Variants in CAPRIN1 observed in about 807,000 individuals in gnomAD.
CAPRIN1 encodes caprin-1.
CAPRIN1 carries 29 observed loss-of-function variants against 100.9 expected under a neutral mutation model. The observed-to-expected ratio is 0.29, with a 90% CI of 0.21 to 0.39. The LOEUF is 0.39. Ranked by LOEUF, CAPRIN1 falls within the 10% of genes least tolerant of loss-of-function variation. The pLI is 1.00. For missense variants in CAPRIN1, 795 were observed against 876.7 expected (o/e 0.91, Z 1.18); for synonymous variants, 338 against 307.5 (o/e 1.10, Z -1.04).
chr11:34,099,241 C>A, intron 18 of CAPRIN1, 62 bp from the exon 19 acceptor site: 2 of 1,591,780 alleles, frequency 1.3e-6, no homozygotes, highest in Non-Finnish European at 1.7e-6. Context: ...AGATGAAAAT[C>A]TGCTTGAAGG....
chr11:34,066,798 G>C (rs1474209752), intron 2 of CAPRIN1, among the ~76,000 whole-genome samples: 1 of 140,258 alleles, frequency 7.1e-6, no homozygotes, highest in Non-Finnish European at 1.5e-5. Flanking sequence ...GCTAATTTTT[G>C]TATTTTTTTT....
At chr11:34,091,342 AG>A (rs1477925131) in intron 14 of CAPRIN1, among the ~76,000 whole-genome samples, 1 of 152,194 alleles carries the variant, frequency 6.6e-6, no homozygotes, top group Admixed American at 6.5e-5. Context: ...GCTGGAGTGT[AG>A]TGGCGTGATC....
intron 2 of CAPRIN1, among the ~76,000 whole-genome samples, chr11:34,064,081 T>G (rs1407317412): frequency 6.6e-6 from 1 of 152,218 alleles, no homozygotes; most frequent in Non-Finnish European, 1.5e-5. Context: ...AGATACATTT[T>G]TATGCTAGGA....
intron 2 of CAPRIN1, among the ~76,000 whole-genome samples, chr11:34,061,435 T>G (rs906386307): frequency 7.2e-5 from 11 of 151,928 alleles, no homozygotes; most frequent in African/African-American, 2.7e-4. Context: ...CTCAAACTCC[T>G]GACCTCAGGA....
rs150154985 is a variant in CAPRIN1, at chr11:34,082,855, A to C, written c.857A>C (p.Gln286Pro). ...GAGCCAGCAGAAGAGTACACTGAGC[A>C]AAGTGAAGTTGAATCAACAGAGGTA... ...EPEPAEEYTE[Q>P]SEVESTEYVN... The change falls in exon 8 of 19, where the codon CAA (glutamine) becomes CCA (proline). Residue 286 changes from glutamine to proline, a missense_variant. Around this residue, in one of 3 missense-constraint regions of CAPRIN1, gnomAD observed 648 missense variants for 697.9 expected, o/e 0.93. Transcript: ENST00000341394. 6.1e-5 allele frequency: 99 copies of C among 1,613,922 alleles called. No individual in the cohort carries two copies. The highest frequency in any genetic ancestry group is 6.4e-5 in the Non-Finnish European group (75 of 1,179,998).
intron 2 of CAPRIN1, among the ~76,000 whole-genome samples, chr11:34,055,975 G>T (rs1850442144): frequency 1.3e-5 from 2 of 152,200 alleles, no homozygotes; most frequent in South Asian, 4.1e-4. Context: ...CTGGTTTTTA[G>T]TTTAAATCCT....
chr11:34,071,718 T>C lies in CAPRIN1; in HGVS notation c.217-8T>C. 6.2e-7 allele frequency: 1 copy of C among 1,603,934 alleles called. No homozygotes were observed. On this transcript the variant is annotated splice_polypyrimidine_tract_variant and splice_region_variant and intron_variant, in intron 2 of 18. Coordinates refer to ENST00000341394, the MANE Select transcript of CAPRIN1 (RefSeq NM_005898.5). ...CGGAATGTAATTCTTTTTTTTCTTT[T>C]AACATAGGGTAAGCTTGATGATTAC...
Position 34,097,680 on chromosome 11 carries a change from A to G in CAPRIN1, c.2002-18A>G. Reference sequence around the variant, plus strand: ...TTTTAAAAAGTACCTTTTCAATACTAACTAGCTTGTCTTTTAGGATGGATA... The same window carrying G: ...TTTTAAAAAGTACCTTTTCAATACTGACTAGCTTGTCTTTTAGGATGGATA... On this transcript the variant is annotated intron_variant, in intron 17 of 18. Coordinates refer to ENST00000341394, the MANE Select transcript of CAPRIN1 (RefSeq NM_005898.5). The G allele has an allele frequency of 6.2e-7, 1 of 1,613,970 alleles. No homozygotes were observed. The highest frequency in any genetic ancestry group is 8.5e-7 in the Non-Finnish European group (1 of 1,179,844).
rs1850974167 is a variant in CAPRIN1 at position 34,079,707 on chromosome 11, G to A, written c.768G>A (p.Leu256=). The A allele has an allele frequency of 2.5e-6, 4 of 1,614,124 alleles. No individual in the cohort carries two copies. The highest frequency in any genetic ancestry group is 2.5e-6 in the Non-Finnish European group (3 of 1,179,996). The change falls in exon 7 of 19, where the codon CTG becomes CTA. Residue 256 remains leucine, a synonymous_variant. Coordinates refer to ENST00000341394, the MANE Select transcript of CAPRIN1 (RefSeq NM_005898.5). ...GCACCCACAACCACCAGAATGGGCT[G>A]TGTGAGGAAGAAGAGGCAGCCTCAG... ...FDSTHNHQNG[L]CEEEEAASAP...
intron 11 of CAPRIN1, among the ~76,000 whole-genome samples, 158 bp from the exon 12 acceptor site, chr11:34,089,237 C>T (rs1355814219): frequency 9.9e-6 from 1 of 101,354 alleles, no homozygotes. Flanking sequence ...TCACTGTACT[C>T]CAGCCTGGGT....
At chr11:34,076,688 AAAAACT>A (rs776606326) in intron 6 of CAPRIN1, 46 bp downstream of exon 6, 18 of 1,316,912 alleles carry the variant, frequency 1.4e-5, no homozygotes, top group Non-Finnish European at 1.7e-5. Context: ...AGGAATCTTT[AAAAACT>A]AATTTTCTTA....
chr11:34,099,294 G>C lies in CAPRIN1; in HGVS notation c.2066-9G>C. ...GAAAGAAAAATCAAATGCCATTTTT[G>C]TCTTCTAGGTCGTGGAGGGCCCCCA... On this transcript the variant is annotated splice_polypyrimidine_tract_variant and intron_variant, in intron 18 of 18. Coordinates refer to ENST00000341394, the MANE Select transcript of CAPRIN1 (RefSeq NM_005898.5). The C allele has an allele frequency of 6.2e-7, 1 of 1,613,174 alleles. No individual in the cohort carries two copies. Among genetic ancestry groups the C allele is most frequent in the Non-Finnish European group, 8.5e-7 (1 of 1,179,404 alleles).
intron 2 of CAPRIN1, chr11:34,053,296 G>T (rs1850372654): frequency 1.0e-5 from 3 of 287,628 alleles, no homozygotes; most frequent in South Asian, 2.6e-4. Flanking sequence ...TTGTTTAGGT[G>T]TCCCCCCGAG....
intron 4 of CAPRIN1, among the ~76,000 whole-genome samples, chr11:34,074,781 A>G (rs1045712376): frequency 6.6e-6 from 1 of 152,220 alleles, no homozygotes; most frequent in African/African-American, 2.4e-5. Context: ...AGGCTGAGGC[A>G]GCAGAATTAC....
rs567297790 is a variant in CAPRIN1, at chr11:34,097,078, T to G, written c.1901-118T>G. ...TTGGATCAAGATAGGAAATTGGAGATTAATTTGATTAACTAGCCTGGCTTA... is the reference window on the plus strand; with the variant it reads ...TTGGATCAAGATAGGAAATTGGAGAGTAATTTGATTAACTAGCCTGGCTTA... On this transcript the variant is annotated intron_variant, in intron 16 of 18. Coordinates refer to ENST00000341394, the MANE Select transcript of CAPRIN1 (RefSeq NM_005898.5). 103 of 700,956 alleles carry G rather than the reference T, an allele frequency of 1.5e-4. No individual in the cohort carries two copies. In the African/African-American group the frequency reaches 1.6e-3, roughly 11 times the overall value. The allele number at this position is 700,956 out of a possible 1,614,324, so 43.4% of individuals were successfully genotyped here. A position where few individuals can be genotyped will look rare whatever the true frequency, so the allele number is the denominator to read the frequency against.
intron 2 of CAPRIN1, chr11:34,056,694 C>G (rs189283538): frequency 3.3e-5 from 5 of 152,196 alleles, no homozygotes; most frequent in African/African-American, 1.2e-4. Flanking sequence ...AGAGAGACCT[C>G]ATTTGATATT....
chr11:34,098,541 T>C (rs1851405034), intron 18 of CAPRIN1: 1 of 985,280 alleles, frequency 1.0e-6, no homozygotes. Context: ...CCATAACATG[T>C]ATAAAATGTG....
At position 34,088,144 on chromosome 11, in the gene CAPRIN1, A is replaced by G. The variant is rs57975123; in HGVS notation, c.1232-1251A>G. The stretch of plus-strand genomic sequence containing the variant: ...CAGCCTCCCCAGTAGCTGAAAGTAC[A>G]GGCACACACCACACTACACCCAGCT... On this transcript the variant is annotated intron_variant, in intron 11 of 18. Transcript: ENST00000341394. Among the ~76,000 whole-genome samples, 418 of 152,160 alleles carry G rather than the reference A, an allele frequency of 2.7e-3. 3 individuals are homozygous for G. The highest frequency in any genetic ancestry group is 9.4e-3 in the African/African-American group (390 of 41,506).
chr11:34,082,848 A>G lies in CAPRIN1; in HGVS notation c.850A>G (p.Thr284Ala). Residue 284 changes from threonine (T) to alanine (A), a missense_variant, in exon 8 of 19, where the codon ACT becomes GCT. By Grantham distance (58) the Thr-to-Ala change is moderately conservative. Around this residue, in one of 3 missense-constraint regions of CAPRIN1, gnomAD observed 648 missense variants for 697.9 expected, o/e 0.93. Coordinates refer to ENST00000341394, the MANE Select transcript of CAPRIN1 (RefSeq NM_005898.5). ...EAEPEPAEEY[T>A]EQSEVESTEY... Reference sequence around the variant, plus strand: ...AGAACCTGAGCCAGCAGAAGAGTACACTGAGCAAAGTGAAGTTGAATCAAC... The same window carrying G: ...AGAACCTGAGCCAGCAGAAGAGTACGCTGAGCAAAGTGAAGTTGAATCAAC... 1 of 1,613,964 alleles carries G rather than the reference A, an allele frequency of 6.2e-7. No individual in the cohort carries two copies. The highest frequency in any genetic ancestry group is 8.5e-7 in the Non-Finnish European group (1 of 1,179,986).
Sources: gnomAD v4.1 joint callset for allele counts (sites outside exome capture counted in the v4.1 genomes callset) on GRCh38, gnomAD v4.1.1 for gene constraint, gnomAD v4.1.1 regional missense constraint, MANE v1.5 for transcripts, NCBI Gene and HGNC (gene_info 2026-07-23, HGNC 2026-07-21) for gene names.